Variants in HOXC4 observed in about 807,000 individuals in gnomAD.
HOXC4 encodes homeobox C4.
Under a neutral mutation model 25.5 loss-of-function variants are expected in HOXC4, and 15 were observed. The ratio of observed to expected loss-of-function variants is 0.59; its 90% CI spans 0.39 to 0.91. The LOEUF is 0.91. Among genes scored for constraint, HOXC4 ranks in the 40% least tolerant of loss-of-function variants. The probability of loss-of-function intolerance (pLI) is 0.00; values close to 1 mark genes in which losing one functional copy is unlikely to be tolerated. For synonymous variants in HOXC4, 165 were observed against 148.0 expected, an observed-to-expected ratio of 1.11 and a Z score of -0.83; for missense variants, 342 against 352.4, an observed-to-expected ratio of 0.97 and a Z score of 0.24.
intron 1 of HOXC4, chr12:54,029,663 T>C (rs1036729726): frequency 6.2e-7 from 1 of 1,612,612 alleles, no homozygotes. Context: ...AGGGGTCGGC[T>C]ACGGAGCGGA....
In HOXC4 at chr12:54,054,895, C is replaced by T. The variant is rs1003349578; in HGVS notation, c.485C>T (p.Ala162Val). The T allele has an allele frequency of 6.2e-7, 1 of 1,613,854 alleles. No homozygotes were observed. Among genetic ancestry groups the T allele is most frequent in the Non-Finnish European group, 8.5e-7 (1 of 1,179,982 alleles). Residue 162 changes from alanine to valine, a missense_variant, in exon 2 of 2, where the codon GCC (alanine) becomes GTC (valine). Physicochemically the swap from Ala to Val is moderately conservative, Grantham distance 64. Transcript: ENST00000430889. ...NGGEPKRSRT[A>V]YTRQQVLELE... ...GGGGAACCCAAGCGCTCGAGGACAG[C>T]CTATACCCGGCAGCAAGTCCTGGAA...
intron 1 of HOXC4, 119 bp downstream of exon 1, chr12:54,054,480 G>A (rs1037598243): frequency 1.0e-5 from 7 of 675,826 alleles, no homozygotes; most frequent in Non-Finnish European, 1.5e-5. Flanking sequence ...CTCTCCAGGA[G>A]CGACTCTGGG....
chr12:54,039,251 T>C (rs1178818874), intron 1 of HOXC4, among the ~76,000 whole-genome samples: 5 of 152,172 alleles, frequency 3.3e-5, no homozygotes, highest in African/African-American at 1.2e-4. Context: ...GCATCTGCTT[T>C]GTGGAGAGGT....
intron 1 of HOXC4, among the ~76,000 whole-genome samples, chr12:54,023,709 T>C (rs1218702871): frequency 3.3e-5 from 5 of 152,192 alleles, no homozygotes; most frequent in Middle Eastern, 3.2e-3. Context: ...TCCATTTCTG[T>C]GTTAGGTGTG....
intron 1 of HOXC4, among the ~76,000 whole-genome samples, chr12:54,026,785 C>A (rs1047407822): frequency 2.0e-5 from 3 of 152,182 alleles, no homozygotes; most frequent in Non-Finnish European, 2.9e-5. Context: ...TCCAGGGAAA[C>A]CTTAACGTTA....
intron 1 of HOXC4, among the ~76,000 whole-genome samples, chr12:54,040,954 G>A (rs1330946081): frequency 1.3e-5 from 2 of 152,188 alleles, no homozygotes; most frequent in Admixed American, 6.5e-5. Context: ...GTTCTGGAAA[G>A]GAATGAGCAC....
At chr12:54,035,972 G>A (rs1438181729) in intron 1 of HOXC4, among the ~76,000 whole-genome samples, 2 of 152,198 alleles carry the variant, frequency 1.3e-5, no homozygotes, top group Non-Finnish European at 2.9e-5. Context: ...GAAATGTTCA[G>A]ACTGTTTCCA....
chr12:54,041,955 G>A (rs900541724), intron 1 of HOXC4, among the ~76,000 whole-genome samples: 3 of 149,750 alleles, frequency 2.0e-5, no homozygotes, highest in Admixed American at 6.7e-5. Context: ...GAACCACCGC[G>A]CCCAGCCTTT....
intron 1 of HOXC4, chr12:54,030,193 T>G (rs1373959423): frequency 2.2e-6 from 1 of 464,674 alleles, no homozygotes; most frequent in Non-Finnish European, 3.8e-6. Context: ...TAGCTCGTTC[T>G]CGGCTTGTCT....
intron 1 of HOXC4, among the ~76,000 whole-genome samples, chr12:54,040,673 G>A (rs550332458): frequency 1.3e-5 from 2 of 152,312 alleles, no homozygotes; most frequent in South Asian, 4.1e-4. Flanking sequence ...AGACTATAGA[G>A]CAAATACAGA....
At chr12:54,034,256 T>G in intron 1 of HOXC4, 1 of 1,596,578 alleles carries the variant, frequency 6.3e-7, no homozygotes, top group Non-Finnish European at 8.6e-7. Context: ...CTTCCTGGCT[T>G]GGGGTGGGGT....
upstream of HOXC4, among the ~76,000 whole-genome samples, chr12:54,052,028 AGTT>A (rs1410444999): frequency 2.8e-4 from 42 of 151,822 alleles, no homozygotes; most frequent in Admixed American, 2.8e-3. Context: ...ACCCTCAAAT[AGTT>A]GTTATGCCGT....
At chr12:54,030,619 C>T (rs548022112) in intron 1 of HOXC4, 16 of 152,396 alleles carry the variant, frequency 1.0e-4, no homozygotes, top group Non-Finnish European at 1.6e-4. Context: ...TGTTTAGCAC[C>T]GTCAGTGTTC....
intron 1 of HOXC4, among the ~76,000 whole-genome samples, chr12:54,048,601 A>T (rs904475166): frequency 2.0e-5 from 3 of 152,106 alleles, no homozygotes; most frequent in African/African-American, 4.8e-5. Context: ...GACCCTGGAG[A>T]GGACCCAGGA....
intron 1 of HOXC4, among the ~76,000 whole-genome samples, chr12:54,029,074 C>G (rs1940864459): frequency 6.6e-6 from 1 of 152,064 alleles, no homozygotes; most frequent in Non-Finnish European, 1.5e-5. Context: ...CTTCTGCCCC[C>G]TCAGCTCGCC....
chr12:54,023,685 A>T (rs1191204469), intron 1 of HOXC4, among the ~76,000 whole-genome samples: 1 of 151,346 alleles, frequency 6.6e-6, no homozygotes, highest in Non-Finnish European at 1.5e-5. Flanking sequence ...AAATATTAGC[A>T]CCCCCAAATG....
At chr12:54,054,613 CT>C (rs1937930916) in intron 1 of HOXC4, among the ~76,000 whole-genome samples, 2 of 152,160 alleles carry the variant, frequency 1.3e-5, no homozygotes, top group Non-Finnish European at 2.9e-5. Context: ...TGTGTGAAAA[CT>C]ATGCTCGCTT....
Position 54,044,249 on chromosome 12 carries a change from C to T in HOXC4, c.-123-8911C>T, listed in dbSNP as rs75510335. Among the ~76,000 whole-genome samples the T allele has an allele frequency of 5.3e-3, 808 of 152,152 alleles. 5 individuals carry two copies. Among genetic ancestry groups the T allele is most frequent in the African/African-American group, 0.019 (773 of 41,480 alleles). ...TGAGGCCCCTCCTTTCCTCCCTTCC[C>T]CAGTAAACTAAAGGAGAAATATAAC... On this transcript the variant is annotated intron_variant, in intron 1 of 3. Coordinates refer to the HOXC4 transcript ENST00000303406.
chr12:54,029,892 C>T, intron 1 of HOXC4: 1 of 1,604,008 alleles, frequency 6.2e-7, no homozygotes. Flanking sequence ...GGCGGAGGGG[C>T]CACCGCCGAC....
Sources: allele counts gnomAD v4.1 joint callset (sites outside exome capture counted in the v4.1 genomes callset), GRCh38; gene constraint gnomAD v4.1.1; transcripts MANE v1.5; gene names NCBI Gene and HGNC (gene_info 2026-07-23, HGNC 2026-07-21).